Variants in ARL17A observed in about 807,000 individuals in gnomAD.
ARL17A encodes ADP-ribosylation factor-like 17-like.
chr17:46,520,011 G>T (rs1235959338), intron 3 of ARL17A, among the ~76,000 whole-genome samples: 1 of 83,504 alleles, frequency 1.2e-5, no homozygotes, highest in East Asian at 2.4e-4. Context: ...GCTTGAGTGT[G>T]TGTGTGTGTG....
chr17:46,533,257 A>G (rs1276179925), intron 4 of ARL17A, among the ~76,000 whole-genome samples: 1 of 96,128 alleles, frequency 1.0e-5, no homozygotes, highest in Admixed American at 1.1e-4. Context: ...ATCTCTAAAA[A>G]TTTTTTTTAG....
At position 46,557,036 on chromosome 17, in the gene ARL17A, AC is replaced by A; in HGVS notation, c.*319del. 1 of 395,118 alleles carries A rather than the reference AC, an allele frequency of 2.5e-6. No individual in the cohort carries two copies. Among genetic ancestry groups the A allele is most frequent in the Non-Finnish European group, 4.3e-6 (1 of 231,060 alleles). 24.5% of individuals were successfully genotyped at this position (395,118 alleles called of 1,614,324 possible). The stretch of plus-strand genomic sequence containing the variant: ...AGCTATATAACGAACGTGCATATGT[AC>A]CCCCTAACCTAAAAGAAAAGTTTAA... On this transcript the variant is annotated 3_prime_UTR_variant, in exon 4 of 4. Coordinates refer to ENST00000336125, the MANE Select transcript of ARL17A (RefSeq NM_001113738.2).
chr17:46,526,417 G>T (rs1271089466), downstream of ARL17A, among the ~76,000 whole-genome samples: 15 of 102,740 alleles, frequency 1.5e-4, 5 homozygotes, highest in Middle Eastern at 5.4e-3. Context: ...AGCTGTGGTT[G>T]ATCGATGATG....
chr17:46,502,034 G>A, the ARL17A span, among the ~76,000 whole-genome samples: 1 of 151,252 alleles, frequency 6.6e-6, no homozygotes, highest in Non-Finnish European at 1.5e-5. Flanking sequence ...ACTCAAATAT[G>A]GTAAAGGTAT....
chr17:46,545,777 G>A (rs1176870459), intron 3 of ARL17A, among the ~76,000 whole-genome samples: 1 of 146,806 alleles, frequency 6.8e-6, no homozygotes, highest in Admixed American at 6.7e-5. Context: ...AAATTGTCCA[G>A]ATTTGACCAA....
intron 3 of ARL17A, among the ~76,000 whole-genome samples, chr17:46,541,352 A>G (rs2055280855): frequency 6.7e-6 from 1 of 149,156 alleles, no homozygotes; most frequent in South Asian, 2.1e-4. Context: ...CCCAGGTTCA[A>G]GTGGTTCTCC....
intron 4 of ARL17A, among the ~76,000 whole-genome samples, chr17:46,535,479 AT>A (rs1278325695): frequency 3.6e-5 from 3 of 84,100 alleles, no homozygotes; most frequent in African/African-American, 8.4e-5. Context: ...GACGCTCATT[AT>A]GTGTATGTTA....
the ARL17A span, among the ~76,000 whole-genome samples, chr17:46,501,751 CG>C: frequency 6.6e-6 from 1 of 151,214 alleles, no homozygotes; most frequent in African/African-American, 2.5e-5. Context: ...TTTCAAGGAC[CG>C]ATTTCAATTC....
intron 2 of ARL17A, among the ~76,000 whole-genome samples, chr17:46,575,421 C>T (rs1304845559): frequency 6.6e-6 from 1 of 151,616 alleles, no homozygotes; most frequent in Non-Finnish European, 1.5e-5. Flanking sequence ...GCACTGGGAG[C>T]GTACTTGGTG....
At chr17:46,544,878 GTCT>G (rs1467962957) in intron 3 of ARL17A, among the ~76,000 whole-genome samples, 2 of 135,644 alleles carry the variant, frequency 1.5e-5, no homozygotes, top group African/African-American at 2.9e-5. Context: ...TGCATGTCAT[GTCT>G]TCATTTCCTT....
At chr17:46,500,818 A>T in the ARL17A span, among the ~76,000 whole-genome samples, 1 of 151,066 alleles carries the variant, frequency 6.6e-6, no homozygotes, top group African/African-American at 2.5e-5. Flanking sequence ...GAAATAACCT[A>T]TCAGATTATA....
At chr17:46,529,231 T>A (rs1460131545) in intron 4 of ARL17A, among the ~76,000 whole-genome samples, 13 of 119,756 alleles carry the variant, frequency 1.1e-4, no homozygotes, top group African/African-American at 3.7e-4. Flanking sequence ...TTCCCTTATT[T>A]TGTGAGCTAC....
At chr17:46,550,772 A>ATATAATAGC (rs1369577509), downstream of ARL17A, among the ~76,000 whole-genome samples, 38 of 80,976 alleles carry the variant, frequency 4.7e-4, 2 homozygotes, top group South Asian at 1.0e-3. Flanking sequence ...TAAGAAGTCG[A>ATATAATAGC]AAATTTCTCC....
At chr17:46,500,693 GT>G in the ARL17A span, among the ~76,000 whole-genome samples, 1 of 151,028 alleles carries the variant, frequency 6.6e-6, no homozygotes, top group African/African-American at 2.5e-5. Context: ...GTTGTTTTTT[GT>G]TTTTTTCTTT....
At chr17:46,542,355 G>A (rs1201653722) in intron 3 of ARL17A, among the ~76,000 whole-genome samples, 1 of 149,138 alleles carries the variant, frequency 6.7e-6, no homozygotes, top group Admixed American at 6.6e-5. Context: ...ATTTGCATAT[G>A]TGATGTATCT....
the ARL17A span, among the ~76,000 whole-genome samples, chr17:46,501,936 C>T: frequency 6.6e-6 from 1 of 151,266 alleles, no homozygotes; most frequent in Non-Finnish European, 1.5e-5. Context: ...CCTGGTTCCA[C>T]TTCCTGTGAC....
downstream of ARL17A, chr17:46,552,589 C>A: frequency 1.9e-5 from 1 of 52,470 alleles, no homozygotes. Context: ...CTAAAACAGT[C>A]AATAAAATGT....
chr17:46,568,797 G>A (rs1395516259), intron 3 of ARL17A, among the ~76,000 whole-genome samples: 1 of 100,402 alleles, frequency 1.0e-5, no homozygotes, highest in Non-Finnish European at 1.9e-5. Flanking sequence ...AAAAAAAAAA[G>A]GAAAAAAAAA....
chr17:46,539,396 A>G (rs1206226540), intron 3 of ARL17A, among the ~76,000 whole-genome samples: 1 of 141,236 alleles, frequency 7.1e-6, no homozygotes, highest in Non-Finnish European at 1.5e-5. Flanking sequence ...CTTTGGCTAT[A>G]AAGCAAAAGA....
Sources: allele counts gnomAD v4.1 joint callset (sites outside exome capture counted in the v4.1 genomes callset), GRCh38; gene constraint gnomAD v4.1.1; transcripts MANE v1.5; gene names NCBI Gene and HGNC (gene_info 2026-07-23, HGNC 2026-07-21).